The following CRISP1 variants were observed in gnomAD, a reference collection of about 807,000 sequenced individuals.
CRISP1 encodes cysteine-rich secretory protein 1.
A neutral mutation model predicts 33.1 loss-of-function variants in CRISP1; 44 were observed. The observed-to-expected ratio is 1.33, with a 90% confidence interval of 1.05 to 1.71. The LOEUF is 1.71. Among genes scored for constraint, CRISP1 ranks in the 40% most tolerant of loss-of-function variants. CRISP1 has a pLI of 0.00. For synonymous variants in CRISP1, 103 were observed against 98.7 expected, an observed-to-expected ratio of 1.04 and a Z score of -0.26; for missense variants, 390 against 301.2, an observed-to-expected ratio of 1.29 and a Z score of -2.18.
At chr6:49,844,295 G>A (rs1582261833) in intron 5 of CRISP1, among the ~76,000 whole-genome samples, 1 of 152,188 alleles carries the variant, frequency 6.6e-6, no homozygotes, top group East Asian at 1.9e-4. Context: ...AAAGTGGACA[G>A]AGAAAACAGA....
intron 1 of CRISP1, among the ~76,000 whole-genome samples, chr6:49,874,118 A>G (rs1771982257): frequency 6.6e-6 from 1 of 152,118 alleles, no homozygotes; most frequent in Non-Finnish European, 1.5e-5. Context: ...AAAAATAAAC[A>G]AATGAGGAGG....
At chr6:49,854,024 A>G (rs972186114) in intron 2 of CRISP1, among the ~76,000 whole-genome samples, 1 of 152,210 alleles carries the variant, frequency 6.6e-6, no homozygotes, top group African/African-American at 2.4e-5. Context: ...ACATTATTGT[A>G]GAACTTTTGC....
At chr6:49,849,061 TCAA>T (rs1425243127) in intron 3 of CRISP1, among the ~76,000 whole-genome samples, 1 of 152,160 alleles carries the variant, frequency 6.6e-6, no homozygotes, top group Non-Finnish European at 1.5e-5. Flanking sequence ...TCAGTGTGCA[TCAA>T]CTGTGCTGAG....
At chr6:49,856,897 G>T (rs1475381188) in intron 2 of CRISP1, among the ~76,000 whole-genome samples, 1 of 152,064 alleles carries the variant, frequency 6.6e-6, no homozygotes, top group Non-Finnish European at 1.5e-5. Flanking sequence ...AATTCAAACT[G>T]CTAATCAGCT....
intron 6 of CRISP1, among the ~76,000 whole-genome samples, chr6:49,840,149 T>TATC (rs1480995736): frequency 6.6e-6 from 1 of 152,320 alleles, no homozygotes; most frequent in South Asian, 2.1e-4. Flanking sequence ...TGTAGTCAAA[T>TATC]ATCAGGCAGT....
intron 6 of CRISP1, among the ~76,000 whole-genome samples, chr6:49,840,557 C>T (rs1428114122): frequency 2.6e-5 from 4 of 152,084 alleles, no homozygotes; most frequent in Non-Finnish European, 4.4e-5. Context: ...ATTTGTTTCT[C>T]TTATATAATA....
At chr6:49,857,251 G>A (rs1771520898) in intron 2 of CRISP1, 84 bp downstream of exon 2, 2 of 1,325,898 alleles carry the variant, frequency 1.5e-6, no homozygotes, top group Admixed American at 3.6e-5. Context: ...TCACAACAGT[G>A]CCTCTAACAT....
chr6:49,860,785 T>A (rs1023806770), intron 1 of CRISP1, among the ~76,000 whole-genome samples: 2 of 151,686 alleles, frequency 1.3e-5, no homozygotes, highest in Admixed American at 1.3e-4. Flanking sequence ...CTAGACAAAA[T>A]AGAGACTTTA....
chr6:49,841,733 T>C (rs1428836106), intron 5 of CRISP1, among the ~76,000 whole-genome samples: 1 of 152,186 alleles, frequency 6.6e-6, no homozygotes, highest in Non-Finnish European at 1.5e-5. Context: ...TGTAGAGTAC[T>C]GAGTTGGTTT....
At position 49,876,641 on chromosome 6, in the gene CRISP1, C is replaced by T. The variant is rs116117799; in HGVS notation, c.-3+368G>A. 4.2e-3 allele frequency among the ~76,000 whole-genome samples: 638 copies of T among 152,054 alleles called. 2 individuals are homozygous for T. The highest frequency in any genetic ancestry group is 0.014 in the African/African-American group (595 of 41,488). On this transcript the variant is annotated intron_variant, in intron 1 of 7. Transcript: ENST00000505118. ...AAAGACGTAAAATCAACTTAAATGC[C>T]CATCAATTATAGGCTGGGTAAAGAA...
At chr6:49,849,307 C>A (rs1351371036) in intron 3 of CRISP1, among the ~76,000 whole-genome samples, 2 of 152,176 alleles carry the variant, frequency 1.3e-5, no homozygotes, top group African/African-American at 4.8e-5. Context: ...CAGGTGGTAG[C>A]AGGGAACTGA....
At chr6:49,855,107 C>A (rs914576706) in intron 2 of CRISP1, among the ~76,000 whole-genome samples, 5 of 152,016 alleles carry the variant, frequency 3.3e-5, no homozygotes, top group African/African-American at 1.2e-4. Flanking sequence ...GTGTAAGGAA[C>A]AAACACACTC....
chr6:49,844,323 T>G (rs998664860), intron 5 of CRISP1, among the ~76,000 whole-genome samples: 22 of 152,186 alleles, frequency 1.4e-4, no homozygotes, highest in Non-Finnish European at 2.8e-4. Flanking sequence ...GAAGGAAGGC[T>G]GTCCGACTTC....
At chr6:49,843,269 A>G (rs1409167291) in intron 5 of CRISP1, among the ~76,000 whole-genome samples, 1 of 152,224 alleles carries the variant, frequency 6.6e-6, no homozygotes, top group Non-Finnish European at 1.5e-5. Context: ...TTCCTGCCAC[A>G]TACCCTTTGT....
chr6:49,862,882 G>A (rs1305502388), intron 1 of CRISP1, among the ~76,000 whole-genome samples: 1 of 151,454 alleles, frequency 6.6e-6, no homozygotes, highest in East Asian at 1.9e-4. Flanking sequence ...ATAGTCACTT[G>A]GGGTGACTGA....
At chr6:49,866,201 T>C (rs183866095) in intron 1 of CRISP1, among the ~76,000 whole-genome samples, 1 of 152,290 alleles carries the variant, frequency 6.6e-6, no homozygotes, top group African/African-American at 2.4e-5. Flanking sequence ...AAGAAGTTCA[T>C]GAGAATGAAC....
chr6:49,843,184 T>G (rs915650607), intron 5 of CRISP1, among the ~76,000 whole-genome samples: 2 of 152,186 alleles, frequency 1.3e-5, no homozygotes, highest in African/African-American at 4.8e-5. Flanking sequence ...TTTCTAGATA[T>G]TTATTGTATT....
intron 7 of CRISP1, 127 bp from the exon 8 acceptor site, chr6:49,835,570 C>A: frequency 1.2e-6 from 1 of 851,206 alleles, no homozygotes; most frequent in Non-Finnish European, 1.8e-6. Flanking sequence ...ATTTAATTAG[C>A]ATAAGCTAAC....
At chr6:49,850,292 C>G (rs1329711661) in intron 3 of CRISP1, among the ~76,000 whole-genome samples, 2 of 152,072 alleles carry the variant, frequency 1.3e-5, no homozygotes, top group African/African-American at 2.4e-5. Flanking sequence ...GGAACTGGAA[C>G]TTATCTGGTT....
Sources: gnomAD v4.1 joint callset for allele counts (sites outside exome capture counted in the v4.1 genomes callset) on GRCh38, gnomAD v4.1.1 for gene constraint, MANE v1.5 for transcripts, NCBI Gene and HGNC (gene_info 2026-07-23, HGNC 2026-07-21) for gene names.